NRF1: variants seen among roughly 807,000 people sequenced by gnomAD.
NRF1 encodes nuclear respiratory factor 1, also known as alpha palindromic-binding protein.
Under a neutral mutation model 58.5 loss-of-function variants are expected in NRF1, and 5 were observed. That is an observed-to-expected ratio of 0.09 (90% CI 0.04 to 0.18). The LOEUF (loss-of-function observed/expected upper bound fraction) is 0.18. Ranked by LOEUF, NRF1 falls within the 10% of genes least tolerant of loss-of-function variation. NRF1 has a pLI of 1.00. For synonymous variants in NRF1, 224 were observed against 246.7 expected, an observed-to-expected ratio of 0.91 and a Z score of 0.86; for missense variants, 288 against 657.7, an observed-to-expected ratio of 0.44 and a Z score of 6.15.
chr7:129,741,255 T>G lies in NRF1; in HGVS notation c.1349-13763T>G, dbSNP rs557586857. ...AGGGCTTCCGGACAGATTCCCAAGG[T>G]CCCTGCCATCTGGCAGATGGACACC... is the stretch of plus-strand genomic sequence containing the variant. On this transcript the variant is annotated intron_variant, in intron 10 of 10. Transcript: ENST00000393232. The surrounding 1 kb of genome is among the most constrained non-coding windows in gnomAD (Gnocchi z 4.0). 1.5e-3 allele frequency among the ~76,000 whole-genome samples: 236 copies of G among 152,282 alleles called. No homozygotes were observed. The highest frequency in any genetic ancestry group is 2.4e-3 in the Non-Finnish European group (166 of 68,032).
chr7:129,754,577 T>C (rs1212498845), intron 10 of NRF1, among the ~76,000 whole-genome samples: 2 of 149,920 alleles, frequency 1.3e-5, no homozygotes, highest in Non-Finnish European at 1.5e-5. Context: ...GCAGGAGAGG[T>C]TGGCCAGCAG....
intron 2 of NRF1, among the ~76,000 whole-genome samples, chr7:129,663,953 C>T (rs1266104071): frequency 3.9e-5 from 6 of 152,316 alleles, no homozygotes; most frequent in Admixed American, 3.3e-4. Context: ...GGCGAAACCC[C>T]GTCTCCACCA....
Position 129,657,392 on chromosome 7 carries a change from C to T in NRF1, c.41C>T (p.Thr14Ile), listed in dbSNP as rs761071580. Residue 14 changes from threonine to isoleucine, a missense_variant, in exon 2 of 11, where the codon ACC becomes ATC. By Grantham distance (89) the Thr-to-Ile change is moderately conservative. Around this residue, in one of 3 missense-constraint regions of NRF1, gnomAD observed 48 missense variants for 65.5 expected, o/e 0.73. Coordinates refer to ENST00000393232, the MANE Select transcript of NRF1 (RefSeq NM_005011.5). The stretch of plus-strand genomic sequence containing the variant: ...GTGACCCAAACCGAACATATGGCTA[C>T]CATAGAAGCACATGCAGTGGCCCAG... ...HGVTQTEHMA[T>I]IEAHAVAQQV... 6.2e-7 allele frequency: 1 copy of T among 1,613,534 alleles called. No homozygotes were observed. Among genetic ancestry groups the T allele is most frequent in the South Asian group, 1.1e-5 (1 of 91,088 alleles).
chr7:129,637,233 T>A (rs2151065278), intron 1 of NRF1, among the ~76,000 whole-genome samples: 2 of 150,618 alleles, frequency 1.3e-5, no homozygotes, highest in African/African-American at 4.9e-5. Context: ...AGGATTCTGC[T>A]TAAAGAAAAG....
chr7:129,749,882 T>G (rs1399427639), intron 10 of NRF1, among the ~76,000 whole-genome samples: 6 of 152,138 alleles, frequency 3.9e-5, no homozygotes, highest in Admixed American at 3.9e-4. Flanking sequence ...AAAGACGGGT[T>G]GTATTTACTA....
intron 10 of NRF1, among the ~76,000 whole-genome samples, chr7:129,745,627 T>G (rs1157888226): frequency 6.6e-6 from 1 of 151,640 alleles, no homozygotes; most frequent in African/African-American, 2.4e-5. Context: ...ACGCTTTCTC[T>G]CCTGCCATTT....
At chr7:129,662,260 T>C (rs144319865) in intron 2 of NRF1, among the ~76,000 whole-genome samples, 40 of 152,202 alleles carry the variant, frequency 2.6e-4, no homozygotes, top group African/African-American at 9.2e-4. Context: ...CTTTTCTTTG[T>C]TTTTTCTTTA....
intron 2 of NRF1, among the ~76,000 whole-genome samples, chr7:129,662,441 C>A (rs1801807055): frequency 6.8e-6 from 1 of 148,002 alleles, no homozygotes; most frequent in Non-Finnish European, 1.5e-5. Context: ...GAGATTTGCA[C>A]TGAACGGTTT....
intron 10 of NRF1, among the ~76,000 whole-genome samples, chr7:129,728,701 C>G (rs1803510063): frequency 1.3e-5 from 2 of 152,184 alleles, no homozygotes; most frequent in African/African-American, 4.8e-5. Flanking sequence ...CAAAGTACCT[C>G]TGTCCCGCCA....
chr7:129,631,460 G>A (rs1231634533), intron 1 of NRF1, among the ~76,000 whole-genome samples: 3 of 151,976 alleles, frequency 2.0e-5, no homozygotes, highest in African/African-American at 4.8e-5. Flanking sequence ...TAGAAACGAG[G>A]TCTCGCTATA....
intron 2 of NRF1, among the ~76,000 whole-genome samples, chr7:129,663,806 G>C (rs936365657): frequency 6.6e-6 from 1 of 152,210 alleles, no homozygotes; most frequent in East Asian, 1.9e-4. Context: ...AGCGAGCCAA[G>C]ATCACGCCAC....
chr7:129,629,578 A>C (rs529339646), intron 1 of NRF1, among the ~76,000 whole-genome samples: 5 of 152,188 alleles, frequency 3.3e-5, no homozygotes, highest in Non-Finnish European at 7.4e-5. Context: ...CCCGGCCCGC[A>C]CACACGCTTT....
rs553180160 is a variant in NRF1 at position 129,723,232 on chromosome 7, T to C, written c.1224-4009T>C. Among the ~76,000 whole-genome samples, 10 of 152,104 alleles carry C rather than the reference T, an allele frequency of 6.6e-5. No homozygotes were observed. The East Asian group carries it at 1.9e-3, about 29-fold the overall frequency. ...GCCGAGGCGGGTGGATCACCTGAGG[T>C]TGGGAGTTCGAGACCAGCCTGGCCA... On this transcript the variant is annotated intron_variant, in intron 9 of 10. Transcript: ENST00000393232.
At chr7:129,721,885 A>G (rs1803335905) in intron 9 of NRF1, among the ~76,000 whole-genome samples, 2 of 152,182 alleles carry the variant, frequency 1.3e-5, no homozygotes, top group South Asian at 4.1e-4. Context: ...ATAAAATGGG[A>G]TGGAAAACTT....
At chr7:129,735,000 A>C (rs1479885258) in intron 10 of NRF1, 2 of 959,362 alleles carry the variant, frequency 2.1e-6, no homozygotes, top group African/African-American at 1.8e-5. Flanking sequence ...GGGCGTGTTC[A>C]TTTTTGCCTG....
At chr7:129,689,438 C>A (rs186763533) in intron 4 of NRF1, among the ~76,000 whole-genome samples, 178 of 152,284 alleles carry the variant, frequency 1.2e-3, no homozygotes, top group Middle Eastern at 3.4e-3. Flanking sequence ...AATTTCCTAG[C>A]CCACTTGTCA....
intron 1 of NRF1, among the ~76,000 whole-genome samples, chr7:129,647,335 T>C (rs954413549): frequency 1.3e-5 from 2 of 151,898 alleles, no homozygotes; most frequent in African/African-American, 4.8e-5. Context: ...TACAGTATTT[T>C]CATAAAATCA....
At chr7:129,675,050 G>A (rs1562967135) in intron 3 of NRF1, among the ~76,000 whole-genome samples, 2 of 152,134 alleles carry the variant, frequency 1.3e-5, no homozygotes, top group South Asian at 4.1e-4. Context: ...AATTCAGTTT[G>A]TGTAATATTC....
rs760788740 is a variant in NRF1, at chr7:129,690,388, G to C, written c.466-18G>C. The stretch of plus-strand genomic sequence containing the variant: ...GTTGTTGGGCATCTTGTTTACTTCT[G>C]CCCTTAATTCCCTGCAGGTGCGTAA... On this transcript the variant is annotated intron_variant, in intron 4 of 10. Transcript: ENST00000393232. The C allele has an allele frequency of 6.2e-7, 1 of 1,608,052 alleles. No homozygotes were observed. Among genetic ancestry groups the C allele is most frequent in the African/African-American group, 1.3e-5 (1 of 74,864 alleles).
Sources: gnomAD v4.1 joint callset for allele counts (sites outside exome capture counted in the v4.1 genomes callset) on GRCh38, gnomAD v4.1.1 for gene constraint, gnomAD v4.1.1 regional missense constraint, Gnocchi (gnomAD v3.1) non-coding constraint, MANE v1.5 for transcripts, NCBI Gene and HGNC (gene_info 2026-07-23, HGNC 2026-07-21) for gene names.